The following ANK2 variants were observed in gnomAD, a reference collection of about 807,000 sequenced individuals.
The protein encoded by ANK2 is ankyrin 2.
In ANK2, 83 loss-of-function variants were observed where a neutral mutation model predicts 360.5. That is an observed-to-expected ratio of 0.23 (90% CI 0.19 to 0.28). The LOEUF (loss-of-function observed/expected upper bound fraction) is 0.28. Ranked by LOEUF, ANK2 falls within the 10% of genes least tolerant of loss-of-function variation. The pLI, the probability that ANK2 is intolerant of heterozygous loss-of-function variation, is 1.00. For synonymous variants in ANK2, 1,740 were observed against 1,759.5 expected (o/e 0.99, Z 0.28); for missense variants, 4,201 against 4,795.7 (o/e 0.88, Z 3.66).
chr4:112,992,143 T>C (rs1300653810), intron 2 of ANK2, among the ~76,000 whole-genome samples: 1 of 151,182 alleles, frequency 6.6e-6, no homozygotes, highest in African/African-American at 2.5e-5. Flanking sequence ...CCAAATCTAC[T>C]TCTACTTTTT....
In ANK2 at chr4:113,357,683, C is replaced by T. The variant is rs2095882102; in HGVS notation, c.9065C>T (p.Thr3022Ile). ...TCTTTCGAGCCTACTATGTCCGCTACAACAACAGTTGTTGGTGAACAAATA... is the reference window on the plus strand; with the variant it reads ...TCTTTCGAGCCTACTATGTCCGCTATAACAACAGTTGTTGGTGAACAAATA... ...SSSFEPTMSA[T>I]TTVVGEQISK... Residue 3022 changes from threonine to isoleucine, a missense_variant, in exon 38 of 46, where the codon ACA becomes ATA. Physicochemically the swap from Thr to Ile is moderately conservative, Grantham distance 89. Coordinates refer to ENST00000357077, the MANE Select transcript of ANK2 (RefSeq NM_001148.6). The T allele has an allele frequency of 2.5e-6, 4 of 1,613,990 alleles. No homozygotes were observed. Among genetic ancestry groups the T allele is most frequent in the Admixed American group, 1.7e-5 (1 of 60,000 alleles).
chr4:113,341,578 T>A (rs1158108932), intron 32 of ANK2, 110 bp from the exon 33 acceptor site: 2 of 1,167,934 alleles, frequency 1.7e-6, no homozygotes, highest in South Asian at 2.6e-5. Context: ...CTCACTTCCT[T>A]TTTTCCAAGA....
chr4:112,774,157 T>TA, the ANK2 span, among the ~76,000 whole-genome samples: 1 of 151,788 alleles, frequency 6.6e-6, no homozygotes, highest in South Asian at 2.1e-4. Flanking sequence ...GTAAGTGGTG[T>TA]AAGAGACAAA....
the ANK2 span, among the ~76,000 whole-genome samples, chr4:112,790,745 C>T: frequency 1.3e-5 from 2 of 152,154 alleles, no homozygotes; most frequent in African/African-American, 4.8e-5. Context: ...CCTCGGCCTC[C>T]CAAAGTGCTG....
At chr4:112,753,308 C>T in the ANK2 span, among the ~76,000 whole-genome samples, 2 of 152,226 alleles carry the variant, frequency 1.3e-5, no homozygotes, top group African/African-American at 4.8e-5. Flanking sequence ...GATACATATA[C>T]AGCCATGTGT....
chr4:112,794,362 G>A, the ANK2 span, among the ~76,000 whole-genome samples: 7 of 152,160 alleles, frequency 4.6e-5, no homozygotes, highest in Non-Finnish European at 8.8e-5. Flanking sequence ...AGAAGAATCA[G>A]ATCATTTGTT....
chr4:112,831,708 C>A (rs1038001330), intron 1 of ANK2, among the ~76,000 whole-genome samples: 7 of 152,172 alleles, frequency 4.6e-5, no homozygotes, highest in African/African-American at 1.7e-4. Flanking sequence ...TTTCGCTCTT[C>A]ACAATAAATC....
At chr4:113,116,896 T>A (rs2094849071) in intron 1 of ANK2, 1 of 217,794 alleles carries the variant, frequency 4.6e-6, no homozygotes, top group African/African-American at 2.3e-5. Flanking sequence ...CAATTGGTGA[T>A]GTGTGTCTAA....
intron 4 of ANK2, among the ~76,000 whole-genome samples, chr4:113,229,290 T>TG (rs1554298884): frequency 1.3e-5 from 2 of 152,182 alleles, no homozygotes; most frequent in Non-Finnish European, 2.9e-5. Flanking sequence ...TCCCTTTTCT[T>TG]GCCTTTCTCA....
the ANK2 span, among the ~76,000 whole-genome samples, chr4:112,807,967 G>T: frequency 6.6e-6 from 1 of 152,158 alleles, no homozygotes; most frequent in Non-Finnish European, 1.5e-5. Flanking sequence ...ATCTCATCAG[G>T]ATTTATATAA....
intron 1 of ANK2, among the ~76,000 whole-genome samples, chr4:113,100,750 G>C (rs2092694654): frequency 6.6e-6 from 1 of 152,100 alleles, no homozygotes; most frequent in African/African-American, 2.4e-5. Flanking sequence ...TAGATGAATG[G>C]ATAAACTGTG....
chr4:113,027,011 TG>T (rs2059419258), intron 2 of ANK2, among the ~76,000 whole-genome samples: 1 of 152,030 alleles, frequency 6.6e-6, no homozygotes, highest in East Asian at 1.9e-4. Flanking sequence ...GAAGAAGGGC[TG>T]GGGTGAGAGT....
chr4:112,823,654 C>T (rs1357573919), intron 1 of ANK2, among the ~76,000 whole-genome samples: 4 of 151,942 alleles, frequency 2.6e-5, no homozygotes, highest in Admixed American at 1.3e-4. Flanking sequence ...TCTTGGGTGC[C>T]TTTAACCGAT....
intron 1 of ANK2, among the ~76,000 whole-genome samples, chr4:112,847,370 A>T (rs2063560975): frequency 6.6e-6 from 1 of 152,058 alleles, no homozygotes; most frequent in Non-Finnish European, 1.5e-5. Context: ...ATCATTCTTG[A>T]TTCTTCTTTA....
chr4:113,115,123 C>T (rs940684160), intron 1 of ANK2, among the ~76,000 whole-genome samples: 6 of 152,154 alleles, frequency 3.9e-5, no homozygotes, highest in Non-Finnish European at 7.3e-5. Context: ...CAGAGTACTT[C>T]AGAGGACAAA....
At chr4:113,242,244 A>T in intron 9 of ANK2, 35 bp downstream of exon 9, 1 of 1,580,462 alleles carries the variant, frequency 6.3e-7, no homozygotes. Flanking sequence ...TTCTACCATT[A>T]TTATTTCTTT....
At chr4:113,292,606 C>G (rs1412882555) in intron 21 of ANK2, 92 bp downstream of exon 21, 2 of 1,322,782 alleles carry the variant, frequency 1.5e-6, no homozygotes, top group Admixed American at 4.0e-5. Context: ...AGGTCAGATT[C>G]CTCCTCTTTA....
At chr4:112,826,355 G>A (rs1392613019) in intron 1 of ANK2, 2 of 957,838 alleles carry the variant, frequency 2.1e-6, no homozygotes, top group Non-Finnish European at 3.2e-6. Flanking sequence ...CAAACACAGT[G>A]ACAATGGTCT....
At chr4:112,803,757 T>C in the ANK2 span, among the ~76,000 whole-genome samples, 3 of 152,332 alleles carry the variant, frequency 2.0e-5, no homozygotes, top group African/African-American at 7.2e-5. Context: ...GGTAACCATA[T>C]ATAGAGACTA....
Sources: allele counts gnomAD v4.1 joint callset (sites outside exome capture counted in the v4.1 genomes callset), GRCh38; gene constraint gnomAD v4.1.1; transcripts MANE v1.5; gene names NCBI Gene and HGNC (gene_info 2026-07-23, HGNC 2026-07-21).